Variants in SF3B3 observed in about 807,000 individuals in gnomAD.
SF3B3 encodes the protein SAP 130.
A neutral mutation model predicts 139.2 loss-of-function variants in SF3B3; 33 were observed. The observed-to-expected ratio is 0.24, with a 90% CI of 0.18 to 0.32. The LOEUF (loss-of-function observed/expected upper bound fraction) is 0.32. SF3B3 is among the 10% of genes least tolerant of loss of function. The probability of loss-of-function intolerance (pLI) is 1.00; values close to 1 mark genes in which losing one functional copy is unlikely to be tolerated. For missense variants in SF3B3, 818 were observed against 1,509.4 expected (o/e 0.54, Z 7.59); for synonymous variants, 596 against 563.6 (o/e 1.06, Z -0.81).
At chr16:70,560,661 G>T in intron 16 of SF3B3, 70 bp downstream of exon 16, 1 of 1,552,580 alleles carries the variant, frequency 6.4e-7, no homozygotes, top group Non-Finnish European at 8.8e-7. Flanking sequence ...AACAATCTTT[G>T]CTGTAAGCTT....
intron 18 of SF3B3, among the ~76,000 whole-genome samples, chr16:70,564,816 A>G (rs895469232): frequency 5.9e-5 from 9 of 152,266 alleles, no homozygotes; most frequent in Admixed American, 4.6e-4. Flanking sequence ...TGTCACAGCT[A>G]TTGTTATTTT....
chr16:70,553,825 T>A (rs763581244), intron 11 of SF3B3, among the ~76,000 whole-genome samples: 24 of 152,204 alleles, frequency 1.6e-4, no homozygotes, highest in Non-Finnish European at 3.5e-4. Flanking sequence ...TTGTTCTGTT[T>A]CTAAATAGTG....
At chr16:70,548,791 C>T (rs75236474) in intron 11 of SF3B3, among the ~76,000 whole-genome samples, 4,827 of 152,250 alleles carry the variant, frequency 0.032, 289 homozygotes, top group African/African-American at 0.11. Context: ...TTTCATTCTT[C>T]TTCAACTATA....
intron 10 of SF3B3, 92 bp downstream of exon 10, chr16:70,544,625 A>G (rs2050251026): frequency 1.4e-6 from 1 of 733,684 alleles, no homozygotes; most frequent in African/African-American, 1.8e-5. Context: ...TCAAAGACAT[A>G]GTTAAGGTGT....
At chr16:70,564,616 T>A (rs2050458587) in intron 18 of SF3B3, among the ~76,000 whole-genome samples, 1 of 152,194 alleles carries the variant, frequency 6.6e-6, no homozygotes, top group South Asian at 2.1e-4. Context: ...GAGACAGCTT[T>A]CATGTTCTCC....
intron 10 of SF3B3, 122 bp from the exon 11 acceptor site, chr16:70,548,248 A>T (rs1041431240): frequency 6.0e-5 from 46 of 767,560 alleles, no homozygotes; most frequent in Non-Finnish European, 9.0e-5. Context: ...AGGTGGTTTC[A>T]TCCTTTAAAT....
chr16:70,562,129 T>C (rs1370878141), intron 17 of SF3B3, among the ~76,000 whole-genome samples: 1 of 152,242 alleles, frequency 6.6e-6, no homozygotes, highest in African/African-American at 2.4e-5. Context: ...TACTCTGTCT[T>C]GTCATTTGCG....
intron 15 of SF3B3, among the ~76,000 whole-genome samples, chr16:70,557,409 A>C (rs774172134): frequency 5.9e-5 from 9 of 152,200 alleles, no homozygotes; most frequent in African/African-American, 1.9e-4. Flanking sequence ...CTGTTGTCAA[A>C]GTTGCTGAGC....
rs2050195484 is a variant in SF3B3 at position 70,539,136 on chromosome 16, T to C, written c.996T>C (p.Thr332=). 6.2e-7 allele frequency: 1 copy of C among 1,614,194 alleles called. No individual in the cohort carries two copies. Among genetic ancestry groups the C allele is most frequent in the Non-Finnish European group, 8.5e-7 (1 of 1,179,968 alleles). The stretch of plus-strand genomic sequence containing the variant: ...AGATCCGGCTCAAATATTTTGATAC[T>C]GTACCCGTTGCTGCTGCCATGTGTG... ...VTEIRLKYFD[T]VPVAAAMCVL... Residue 332 remains threonine (T), a synonymous_variant, in exon 8 of 26, where the codon ACT becomes ACC. Coordinates refer to ENST00000302516, the MANE Select transcript of SF3B3 (RefSeq NM_012426.5).
intron 14 of SF3B3, 192 bp from the exon 15 acceptor site, chr16:70,556,694 G>A (rs893135471): frequency 7.8e-6 from 5 of 638,516 alleles, no homozygotes; most frequent in African/African-American, 5.5e-5. Flanking sequence ...AAGGAGGAAA[G>A]CATGATCTTC....
rs1436816889 is a variant in SF3B3 at position 70,555,401 on chromosome 16, C to T, written c.1710+195C>T. Among the ~76,000 whole-genome samples the T allele has an allele frequency of 2.0e-5, 3 of 150,354 alleles. No homozygotes were observed. In the South Asian group the frequency reaches 6.4e-4, roughly 32 times the overall value. On this transcript the variant is annotated intron_variant, in intron 13 of 25. Coordinates refer to ENST00000302516, the MANE Select transcript of SF3B3 (RefSeq NM_012426.5). ...GGCTGAGGCAGGAGAATTGCTTGAA[C>T]CCGGGAGGCAGAGGTTGCGGTGAGC...
In SF3B3 at chr16:70,555,500, A is replaced by AAAAAAAAG. The variant is rs1555500454; in HGVS notation, c.1710+294_1710+295insAAAAAAAG. Among the ~76,000 whole-genome samples, 6 of 141,464 alleles carry AAAAAAAAG rather than the reference A, an allele frequency of 4.2e-5. 1 individual carries two copies. The highest frequency in any genetic ancestry group is 3.0e-5 in the Non-Finnish European group (2 of 66,026). 92.8% of individuals were successfully genotyped at this position (141,464 alleles called of 152,430 possible). On this transcript the variant is annotated intron_variant, in intron 13 of 25. Coordinates refer to ENST00000302516, the MANE Select transcript of SF3B3 (RefSeq NM_012426.5). ...CTCAAAAAAAAAAAAAAAAAAAAAAAGCGAGCTGGAGTGACAGTGTTCACA... is the reference window on the plus strand; with the variant it reads ...CTCAAAAAAAAAAAAAAAAAAAAAAAAAAAAAAGGCGAGCTGGAGTGACAGTGTTCACA...
chr16:70,531,002 T>TCA (rs2050115901), intron 4 of SF3B3, 85 bp downstream of exon 4: 3 of 1,242,058 alleles, frequency 2.4e-6, no homozygotes, highest in Non-Finnish European at 3.4e-6. Flanking sequence ...GCGTGGTGGC[T>TCA]CACGCCTGTA....
Position 70,544,914 on chromosome 16 carries a change from C to A in SF3B3, c.1329+381C>A, listed in dbSNP as rs79070935. On this transcript the variant is annotated intron_variant, in intron 10 of 25. Transcript: ENST00000302516. ...TAGCCCACATGGTCACTAGTCATGA[C>A]ATGGAGGCTAGGAAATCTATATGGA... Among the ~76,000 whole-genome samples, 1,063 of 152,252 alleles carry A rather than the reference C, an allele frequency of 7.0e-3. 5 individuals are homozygous for A. The highest frequency in any genetic ancestry group is 0.012 in the Non-Finnish European group (805 of 68,012).
chr16:70,564,459 C>T (rs775500720), intron 18 of SF3B3, among the ~76,000 whole-genome samples: 10 of 152,190 alleles, frequency 6.6e-5, no homozygotes, highest in Non-Finnish European at 1.2e-4. Context: ...GCCTTTGCCC[C>T]AAAGTACTTC....
chr16:70,556,223 A>C lies in SF3B3; in HGVS notation c.1755A>C (p.Ala585=), dbSNP rs555262910. 5.6e-6 allele frequency: 9 copies of C among 1,614,178 alleles called. No individual in the cohort carries two copies. The African/African-American group carries it at 1.1e-4, about 19-fold the overall frequency. ...ACACAGAACGGAAGGAGATGTCAGC[A>C]GATGTGGTGTGCATGAGTCTGGCCA... ...NEYTERKEMS[A]DVVCMSLANV... Residue 585 remains alanine, a synonymous_variant, in exon 14 of 26, where the codon GCA becomes GCC. Coordinates refer to ENST00000302516, the MANE Select transcript of SF3B3 (RefSeq NM_012426.5).
intron 8 of SF3B3, among the ~76,000 whole-genome samples, chr16:70,540,340 G>T (rs1455580666): frequency 6.6e-6 from 1 of 151,696 alleles, no homozygotes; most frequent in Non-Finnish European, 1.5e-5. Context: ...GGGACTACAG[G>T]CGTGTGCCAC....
Position 70,573,980 on chromosome 16 carries a change from G to T in SF3B3, c.*2167G>T, listed in dbSNP as rs949843621. ...TTCTAGTTGGAATGTTGCTTTTCTTGGTTAGTGTAAATGTATTGCTAGTGA... is the reference window on the plus strand; with the variant it reads ...TTCTAGTTGGAATGTTGCTTTTCTTTGTTAGTGTAAATGTATTGCTAGTGA... On this transcript the variant is annotated 3_prime_UTR_variant, in exon 26 of 26. Coordinates refer to ENST00000302516, the MANE Select transcript of SF3B3 (RefSeq NM_012426.5). 1.8e-4 allele frequency: 28 copies of T among 152,098 alleles called. No homozygotes were observed. Among genetic ancestry groups the T allele is most frequent in the Admixed American group, 1.8e-3 (27 of 15,242 alleles). 9.4% of individuals were successfully genotyped at this position (152,098 alleles called of 1,614,324 possible). A position where few individuals can be genotyped will look rare whatever the true frequency, so the allele number is the denominator to read the frequency against.
In SF3B3 at chr16:70,573,274, T is replaced by G. The variant is rs1031261040; in HGVS notation, c.*1461T>G. On this transcript the variant is annotated 3_prime_UTR_variant, in exon 26 of 26. Transcript: ENST00000302516. ...TGAATTAGATTTTGAAAACCTAATTTCAGGGCTCATTTTTTCCTGTGGCCC... is the reference window on the plus strand; with the variant it reads ...TGAATTAGATTTTGAAAACCTAATTGCAGGGCTCATTTTTTCCTGTGGCCC... 2.0e-5 allele frequency: 3 copies of G among 152,238 alleles called. No individual in the cohort carries two copies. The highest frequency in any genetic ancestry group is 7.2e-5 in the African/African-American group (3 of 41,464). The allele number at this position is 152,238 out of a possible 1,614,324, so 9.4% of individuals were successfully genotyped here. A position where few individuals can be genotyped will look rare whatever the true frequency, so the allele number is the denominator to read the frequency against.
Sources: gnomAD v4.1 joint callset for allele counts (sites outside exome capture counted in the v4.1 genomes callset) on GRCh38, gnomAD v4.1.1 for gene constraint, MANE v1.5 for transcripts, NCBI Gene and HGNC (gene_info 2026-07-23, HGNC 2026-07-21) for gene names.